PPEF2: variants seen among roughly 807,000 people sequenced by gnomAD.
PPEF2 encodes the protein serine/threonine-protein phosphatase with EF-hands 2.
In PPEF2, 84 loss-of-function variants were observed where a neutral mutation model predicts 84.7. The ratio of observed to expected loss-of-function variants is 0.99; its 90% CI spans 0.83 to 1.19. The LOEUF is 1.19. Among genes scored for constraint, PPEF2 ranks in the 50% most tolerant of loss-of-function variants. The pLI is 0.00. For synonymous variants in PPEF2, 346 were observed against 345.2 expected (o/e 1.00, Z -0.03); for missense variants, 924 against 937.5 (o/e 0.99, Z 0.19).
At chr4:75,865,646 A>G (rs554708932) in intron 15 of PPEF2, among the ~76,000 whole-genome samples, 8 of 152,184 alleles carry the variant, frequency 5.3e-5, no homozygotes, top group Non-Finnish European at 1.2e-4. Context: ...TCAGCCTCCC[A>G]AAGTGCTAGG....
intron 10 of PPEF2, among the ~76,000 whole-genome samples, chr4:75,879,463 G>C (rs184957856): frequency 3.9e-4 from 60 of 152,170 alleles, no homozygotes; most frequent in African/African-American, 1.4e-3. Context: ...TAATAATCAG[G>C]CAGAAAAAAT....
intron 2 of PPEF2, among the ~76,000 whole-genome samples, chr4:75,892,532 GA>G (rs149782344): frequency 0.035 from 5,321 of 152,224 alleles, 351 homozygotes; most frequent in African/African-American, 0.12. Flanking sequence ...AACAATAAAC[GA>G]ATACTCAAAT....
chr4:75,876,851 C>CA (rs933971150), intron 10 of PPEF2, among the ~76,000 whole-genome samples, 178 bp from the exon 11 acceptor site: 1 of 151,004 alleles, frequency 6.6e-6, no homozygotes, highest in African/African-American at 2.4e-5. Flanking sequence ...ACAAAAAATA[C>CA]AAAAAAATGA....
chr4:75,884,912 G>T, intron 7 of PPEF2, 152 bp from the exon 8 acceptor site: 1 of 641,712 alleles, frequency 1.6e-6, no homozygotes, highest in East Asian at 2.8e-5. Context: ...AGTAAATGAT[G>T]GAAGTATCTT....
At chr4:75,863,887 T>C (rs562586591) in intron 16 of PPEF2, among the ~76,000 whole-genome samples, 1 of 151,444 alleles carries the variant, frequency 6.6e-6, no homozygotes, top group South Asian at 2.1e-4. Flanking sequence ...TTTTTTTTTT[T>C]TCCGCGACAG....
At chr4:75,866,099 T>C (rs1008984363) in intron 15 of PPEF2, 90 bp downstream of exon 15, 2 of 1,367,272 alleles carry the variant, frequency 1.5e-6, no homozygotes, top group African/African-American at 2.9e-5. Context: ...GCTTTTTGGG[T>C]TATTACTAGT....
intron 5 of PPEF2, among the ~76,000 whole-genome samples, chr4:75,888,583 G>A (rs1459423844): frequency 6.6e-6 from 1 of 152,134 alleles, no homozygotes; most frequent in Non-Finnish European, 1.5e-5. Context: ...TCTATTAAAT[G>A]CTTCCTTGCC....
intron 2 of PPEF2, among the ~76,000 whole-genome samples, chr4:75,893,683 T>TC (rs1175926963): frequency 6.6e-6 from 1 of 152,168 alleles, no homozygotes; most frequent in Non-Finnish European, 1.5e-5. Context: ...CATACATAAT[T>TC]CATACTTGTG....
intron 2 of PPEF2, 48 bp downstream of exon 2, chr4:75,896,223 T>C: frequency 6.3e-7 from 1 of 1,585,414 alleles, no homozygotes; most frequent in Non-Finnish European, 8.7e-7. Flanking sequence ...CCATGCAATA[T>C]GGGCTTTGTG....
rs766443666 is a variant in PPEF2, at chr4:75,876,560, G to C, written c.1047C>G (p.Pro349=). The C allele has an allele frequency of 6.2e-7, 1 of 1,614,062 alleles. No individual in the cohort carries two copies. The highest frequency in any genetic ancestry group is 1.1e-5 in the South Asian group (1 of 91,052). Reference sequence around the variant, plus strand: ...GCGAAGAGGGAAGAGAGCGGCTTTCGGGGAGAAACCATGGGATGGGTCCCT... The same window carrying C: ...GCGAAGAGGGAAGAGAGCGGCTTTCCGGGAGAAACCATGGGATGGGTCCCT... ...SAQGPIPWFL[P]ESRSLPSSPL... Residue 349 remains proline, a synonymous_variant, in exon 11 of 17, where the codon CCC becomes CCG. Transcript: ENST00000286719.
intron 11 of PPEF2, among the ~76,000 whole-genome samples, chr4:75,873,767 C>G (rs1256973875): frequency 6.6e-6 from 1 of 151,914 alleles, no homozygotes; most frequent in African/African-American, 2.4e-5. Flanking sequence ...ATGCAATCGA[C>G]ATTTTATTTC....
intron 16 of PPEF2, among the ~76,000 whole-genome samples, chr4:75,862,244 G>C (rs933852500): frequency 6.8e-6 from 1 of 147,754 alleles, no homozygotes; most frequent in Non-Finnish European, 1.5e-5. Flanking sequence ...AGTGAGCCAA[G>C]ATCGTACCAC....
Position 75,872,069 on chromosome 4 carries a change from C to T in PPEF2, c.1605G>A (p.Gln535=), listed in dbSNP as rs1205267440. 1 of 1,613,730 alleles carries T rather than the reference C, an allele frequency of 6.2e-7. No individual in the cohort carries two copies. The highest frequency in any genetic ancestry group is 1.7e-5 in the Admixed American group (1 of 59,940). Residue 535 remains glutamine, a synonymous_variant, in exon 13 of 17, where the codon CAG becomes CAA. Coordinates refer to ENST00000286719, the MANE Select transcript of PPEF2 (RefSeq NM_006239.3). ...TGTGGGTCACCTTGTTAGCTTGATA[C>T]TGCACAATATGTGGGGTCAGGGCTG... ...LGPALTPHIV[Q]YQANKVTHTL... is the part of the protein sequence containing the mutation.
At chr4:75,871,908 G>A (rs1724289401) in intron 13 of PPEF2, 117 bp downstream of exon 13, 1 of 1,170,104 alleles carries the variant, frequency 8.5e-7, no homozygotes, top group South Asian at 1.7e-5. Flanking sequence ...TGCTGACATA[G>A]CCAAATTCTG....
At chr4:75,888,593 C>G (rs1724794404) in intron 5 of PPEF2, among the ~76,000 whole-genome samples, 1 of 152,160 alleles carries the variant, frequency 6.6e-6, no homozygotes, top group Non-Finnish European at 1.5e-5. Context: ...GCTTCCTTGC[C>G]TTTAGCATGG....
chr4:75,876,427 C>T lies in PPEF2; in HGVS notation c.1180G>A (p.Val394Met). 1 of 1,614,092 alleles carries T rather than the reference C, an allele frequency of 6.2e-7. No individual in the cohort carries two copies. The highest frequency in any genetic ancestry group is 1.1e-5 in the South Asian group (1 of 91,078). Reference protein sequence around the residue: ...RELSRQVRSSVELELERCRQQ... With the variant: ...RELSRQVRSSMELELERCRQQ... ...CGGCACCGCTCTAGCTCCAGTTCCA[C>T]GGAGCTCCGCACCTGCCGGGAGAGC... is the stretch of plus-strand genomic sequence containing the variant. The change falls in exon 11 of 17, where the codon GTG becomes ATG. Residue 394 changes from valine to methionine, a missense_variant. Transcript: ENST00000286719.
chr4:75,884,443 T>C, intron 8 of PPEF2, 151 bp downstream of exon 8: 1 of 848,312 alleles, frequency 1.2e-6, no homozygotes, highest in Non-Finnish European at 1.7e-6. Flanking sequence ...AAAAAATTTT[T>C]TTTTGAATGT....
chr4:75,871,356 C>T (rs1724273329), intron 13 of PPEF2, among the ~76,000 whole-genome samples: 1 of 152,106 alleles, frequency 6.6e-6, no homozygotes, highest in African/African-American at 2.4e-5. Context: ...GTAGGGGTAA[C>T]ACAAACCCGT....
At chr4:75,881,917 T>G (rs10518141) in intron 10 of PPEF2, 1 of 152,194 alleles carries the variant, frequency 6.6e-6, no homozygotes, top group Non-Finnish European at 1.5e-5. Flanking sequence ...AAAGCTGAAG[T>G]AGACTGATTG....
Sources: allele counts gnomAD v4.1 joint callset (sites outside exome capture counted in the v4.1 genomes callset), GRCh38; gene constraint gnomAD v4.1.1; transcripts MANE v1.5; gene names NCBI Gene and HGNC (gene_info 2026-07-23, HGNC 2026-07-21).